The following CCDC122 variants were observed in gnomAD, a reference collection of about 807,000 sequenced individuals.
CCDC122 encodes coiled-coil domain containing 122, also known as coiled-coil domain-containing protein 122.
In CCDC122, 38 loss-of-function variants were observed where a neutral mutation model predicts 37.0. That is an observed-to-expected ratio of 1.03 (90% confidence interval 0.79 to 1.35). The LOEUF is 1.35. Ranked by LOEUF, CCDC122 falls within the 40% of genes most tolerant of loss-of-function variation. CCDC122 has a pLI of 0.00. For synonymous variants in CCDC122, 83 were observed against 95.6 expected, an observed-to-expected ratio of 0.87 and a Z score of 0.77; for missense variants, 305 against 310.0, an observed-to-expected ratio of 0.98 and a Z score of 0.12.
intron 5 of CCDC122, among the ~76,000 whole-genome samples, chr13:43,859,232 CA>C (rs1289856549): frequency 6.6e-6 from 1 of 152,074 alleles, no homozygotes; most frequent in Non-Finnish European, 1.5e-5. Flanking sequence ...CTATCGTCTT[CA>C]AAGAACAGTA....
intron 4 of CCDC122, among the ~76,000 whole-genome samples, chr13:43,867,665 C>T (rs1197376371): frequency 6.6e-6 from 1 of 152,060 alleles, no homozygotes; most frequent in Non-Finnish European, 1.5e-5. Flanking sequence ...AAATGCTTAA[C>T]ACAAAGTAGG....
rs529322477 is a variant in CCDC122 at position 43,830,657 on chromosome 13, C to G, written n.602-6646G>C. Among the ~76,000 whole-genome samples the G allele has an allele frequency of 3.3e-5, 5 of 152,288 alleles. No homozygotes were observed. The East Asian group carries it at 9.6e-4, about 29-fold the overall frequency. On this transcript the variant is annotated intron_variant and non_coding_transcript_variant, in intron 3 of 3. Transcript: ENST00000470137. ...GATTTAGGCAAAGCAGTGACTGTGT[C>G]TGTTACACAACGTTTCAGAAAGTTT...
chr13:43,837,184 G>A lies in CCDC122; in HGVS notation c.*96C>T. ...GTCATTAAGACAGGTCTCTAATAGTGGATGCTTGTTATTAAGAATCCAAAA... is the reference window on the plus strand; with the variant it reads ...GTCATTAAGACAGGTCTCTAATAGTAGATGCTTGTTATTAAGAATCCAAAA... On this transcript the variant is annotated 3_prime_UTR_variant, in exon 7 of 7. Transcript: ENST00000444614. 1.6e-6 allele frequency: 2 copies of A among 1,220,444 alleles called. No individual in the cohort carries two copies. The highest frequency in any genetic ancestry group is 2.3e-6 in the Non-Finnish European group (2 of 873,008). 75.6% of individuals were successfully genotyped at this position (1,220,444 alleles called of 1,614,324 possible). A position where few individuals can be genotyped will look rare whatever the true frequency, so the allele number is the denominator to read the frequency against.
Position 43,869,312 on chromosome 13 carries a change from C to G in CCDC122, c.46+19G>C. 6.4e-7 allele frequency: 1 copy of G among 1,570,780 alleles called. No homozygotes were observed. The highest frequency in any genetic ancestry group is 8.7e-7 in the Non-Finnish European group (1 of 1,143,742). ...TTGCTGATCTTTTAATTATTTATTT[C>G]TTAAGACTGTTTCATTACCTTCTTT... On this transcript the variant is annotated intron_variant, in intron 3 of 6. Transcript: ENST00000444614.
At chr13:43,877,833 C>T (rs964571416) in intron 1 of CCDC122, 1 of 152,134 alleles carries the variant, frequency 6.6e-6, no homozygotes, top group Non-Finnish European at 1.5e-5. Flanking sequence ...CAAAGCAAAA[C>T]ATGCTCAGGC....
chr13:43,847,027 GT>G (rs905962835), intron 6 of CCDC122, among the ~76,000 whole-genome samples: 2 of 152,114 alleles, frequency 1.3e-5, no homozygotes, highest in Admixed American at 6.6e-5. Context: ...TGTTTATTAT[GT>G]TTGCTACAAC....
chr13:43,844,360 T>C (rs1266585860), intron 6 of CCDC122, among the ~76,000 whole-genome samples: 2 of 152,016 alleles, frequency 1.3e-5, no homozygotes, highest in Non-Finnish European at 2.9e-5. Context: ...TTGTTATTGA[T>C]TTCTAATGGA....
At chr13:43,848,905 A>G (rs545168557) in intron 6 of CCDC122, 2 of 980,356 alleles carry the variant, frequency 2.0e-6, no homozygotes, top group South Asian at 4.7e-5. Flanking sequence ...AGACTCCAAA[A>G]AGAAGTAATA....
intron 4 of CCDC122, 39 bp from the exon 5 acceptor site, chr13:43,860,109 T>C: frequency 9.0e-7 from 1 of 1,110,230 alleles, no homozygotes; most frequent in Non-Finnish European, 1.2e-6. Flanking sequence ...TAATTCAAAA[T>C]ATTAAACATG....
chr13:43,876,151 T>G (rs1387670480), intron 1 of CCDC122, among the ~76,000 whole-genome samples: 1 of 152,186 alleles, frequency 6.6e-6, no homozygotes, highest in Non-Finnish European at 1.5e-5. Flanking sequence ...TCATCTGGCC[T>G]CCGTAACTGT....
chr13:43,840,719 T>A (rs1156268253), intron 6 of CCDC122, among the ~76,000 whole-genome samples: 2 of 151,508 alleles, frequency 1.3e-5, no homozygotes, highest in African/African-American at 4.9e-5. Flanking sequence ...GAACTCATCA[T>A]TTTTTATGGC....
At chr13:43,835,839 C>G (rs1044858605), downstream of CCDC122, among the ~76,000 whole-genome samples, 1 of 152,106 alleles carries the variant, frequency 6.6e-6, no homozygotes, top group African/African-American at 2.4e-5. Context: ...TATCTCCAGC[C>G]GAGTATAGTG....
chr13:43,845,840 A>T (rs755452980), intron 6 of CCDC122, among the ~76,000 whole-genome samples: 8 of 152,160 alleles, frequency 5.3e-5, no homozygotes, highest in Non-Finnish European at 1.2e-4. Context: ...TAGTTCTAAG[A>T]TTTCCATTTG....
In CCDC122 at chr13:43,852,775, C is replaced by T. The variant is rs185187885; in HGVS notation, c.672+6006G>A. Among the ~76,000 whole-genome samples, 6 of 151,972 alleles carry T rather than the reference C, an allele frequency of 3.9e-5. No individual in the cohort carries two copies. The East Asian group carries it at 1.2e-3, about 30-fold the overall frequency. ...CACCTACAAAGGGATACCCATCAGA[C>T]TAACAGTGGACCTCTCAGCAGAAAC... On this transcript the variant is annotated intron_variant, in intron 6 of 6. Transcript: ENST00000444614.
chr13:43,847,339 A>T (rs1463881006), intron 6 of CCDC122, among the ~76,000 whole-genome samples: 1 of 152,230 alleles, frequency 6.6e-6, no homozygotes, highest in Non-Finnish European at 1.5e-5. Flanking sequence ...GAGTAATGAT[A>T]GAGAACAACA....
At chr13:43,865,256 C>A (rs1262356279) in intron 4 of CCDC122, among the ~76,000 whole-genome samples, 1 of 152,038 alleles carries the variant, frequency 6.6e-6, no homozygotes. Context: ...GATTTTATAG[C>A]CAGTTGATCA....
At chr13:43,856,496 G>T (rs1339819726) in intron 6 of CCDC122, 1 of 155,424 alleles carries the variant, frequency 6.4e-6, no homozygotes, top group Non-Finnish European at 1.4e-5. Flanking sequence ...TGGGTGTGGT[G>T]GCAGGCGCCT....
At position 43,876,068 on chromosome 13, in the gene CCDC122, T is replaced by A. The variant is rs549647944; in HGVS notation, c.-199-1141A>T. Among the ~76,000 whole-genome samples, 4 of 152,302 alleles carry A rather than the reference T, an allele frequency of 2.6e-5. No homozygotes were observed. The South Asian group carries it at 8.3e-4, about 32-fold the overall frequency. Reference sequence around the variant, plus strand: ...ACTTAGCCCCTAGGCAAAGAACACCTGAAGTCACCAGACAACAGAAGAGGT... The same window carrying A: ...ACTTAGCCCCTAGGCAAAGAACACCAGAAGTCACCAGACAACAGAAGAGGT... On this transcript the variant is annotated intron_variant, in intron 1 of 6. Coordinates refer to ENST00000444614, the MANE Select transcript of CCDC122 (RefSeq NM_144974.5).
Position 43,837,425 on chromosome 13 carries a change from T to G in CCDC122, c.677A>C (p.Gln226Pro). 6.2e-7 allele frequency: 1 copy of G among 1,611,366 alleles called. No individual in the cohort carries two copies. Among genetic ancestry groups the G allele is most frequent in the Non-Finnish European group, 8.5e-7 (1 of 1,179,264 alleles). ...AAGAATTGCATCATACCTCTTATGT[T>G]GTACCTATCAAAAGAAGAGCACACA... is the stretch of plus-strand genomic sequence containing the variant. ...HEKLRKEIEVQHKRYDAILKR... is the reference protein window; with the variant it reads ...HEKLRKEIEVPHKRYDAILKR... The change falls in exon 7 of 7, where the codon CAA (glutamine) becomes CCA (proline). Residue 226 changes from glutamine (Q) to proline (P), a missense_variant. Coordinates refer to ENST00000444614, the MANE Select transcript of CCDC122 (RefSeq NM_144974.5).
Sources: gnomAD v4.1 joint callset for allele counts (sites outside exome capture counted in the v4.1 genomes callset) on GRCh38, gnomAD v4.1.1 for gene constraint, MANE v1.5 for transcripts, NCBI Gene and HGNC (gene_info 2026-07-23, HGNC 2026-07-21) for gene names.